Variants in CDH12 observed in about 807,000 individuals in gnomAD.
CDH12 encodes cadherin-12.
In CDH12, 41 loss-of-function variants were observed where a neutral mutation model predicts 74.1. That is an observed-to-expected ratio of 0.55 (90% CI 0.43 to 0.72). The LOEUF (loss-of-function observed/expected upper bound fraction) is 0.72, where lower values mean the gene tolerates loss of function less well. CDH12 is among the 30% of genes least tolerant of loss of function. The pLI is 0.00. For missense variants in CDH12, 945 were observed against 977.2 expected (o/e 0.97, Z 0.44); for synonymous variants, 399 against 355.0 (o/e 1.12, Z -1.39).
intron 6 of CDH12, among the ~76,000 whole-genome samples, chr5:21,925,396 C>A (rs1386801694): frequency 6.6e-6 from 1 of 152,192 alleles, no homozygotes; most frequent in Non-Finnish European, 1.5e-5. Flanking sequence ...ATAACTGACA[C>A]AAACATATCC....
At chr5:22,194,882 G>A (rs568490443) in intron 4 of CDH12, among the ~76,000 whole-genome samples, 2 of 152,310 alleles carry the variant, frequency 1.3e-5, no homozygotes, top group African/African-American at 2.4e-5. Flanking sequence ...ATGGCAGGAG[G>A]TCAGAGAGGG....
chr5:22,037,118 T>G lies in CDH12; in HGVS notation c.231+41328A>C, dbSNP rs112506830. On this transcript the variant is annotated intron_variant, in intron 5 of 14. Coordinates refer to ENST00000382254, the MANE Select transcript of CDH12 (RefSeq NM_004061.5). ...GACATAAGAAAATGGCGGCAAGCCGTAAAGCTTGAAAAGCAATACCTGGTA... is the reference window on the plus strand; with the variant it reads ...GACATAAGAAAATGGCGGCAAGCCGGAAAGCTTGAAAAGCAATACCTGGTA... Among the ~76,000 whole-genome samples, 389 of 152,286 alleles carry G rather than the reference T, an allele frequency of 2.6e-3. 2 individuals carry two copies. The highest frequency in any genetic ancestry group is 8.9e-3 in the African/African-American group (371 of 41,564).
intron 1 of CDH12, among the ~76,000 whole-genome samples, chr5:22,818,223 C>A (rs1008904385): frequency 6.6e-5 from 10 of 152,114 alleles, no homozygotes; most frequent in Non-Finnish European, 1.2e-4. Context: ...GGAAGCCATA[C>A]AAGACACTAC....
chr5:21,934,124 ACACT>A (rs772110656), intron 6 of CDH12, among the ~76,000 whole-genome samples: 6 of 152,098 alleles, frequency 3.9e-5, no homozygotes, highest in South Asian at 2.1e-4. Context: ...CCACACACAC[ACACT>A]CACACACACA....
intron 2 of CDH12, among the ~76,000 whole-genome samples, chr5:22,461,666 G>A (rs553583785): frequency 3.9e-5 from 6 of 151,988 alleles, no homozygotes; most frequent in East Asian, 1.9e-4. Flanking sequence ...AAACTTTGAG[G>A]AGGAGCTGGG....
In CDH12 at chr5:22,006,123, T is replaced by C. The variant is rs143636810; in HGVS notation, c.232-30738A>G. On this transcript the variant is annotated intron_variant, in intron 5 of 14. Coordinates refer to ENST00000382254, the MANE Select transcript of CDH12 (RefSeq NM_004061.5). ...TTTATCAGTTTCCTGTGCATGGTTA[T>C]ACTTCCTTGCCCCACTTATTGGGTA... Among the ~76,000 whole-genome samples the C allele has an allele frequency of 3.7e-3, 567 of 152,338 alleles. 7 individuals carry two copies. Among genetic ancestry groups the C allele is most frequent in the African/African-American group, 0.013 (531 of 41,576 alleles).
intron 8 of CDH12, among the ~76,000 whole-genome samples, chr5:21,817,977 G>T (rs1212154986): frequency 6.6e-6 from 1 of 151,862 alleles, no homozygotes; most frequent in Non-Finnish European, 1.5e-5. Flanking sequence ...ATTATTTTAA[G>T]GTTTTGTAGA....
intron 3 of CDH12, among the ~76,000 whole-genome samples, chr5:22,229,928 T>A (rs368126420): frequency 1.3e-5 from 2 of 152,054 alleles, no homozygotes; most frequent in Admixed American, 6.6e-5. Context: ...ACTTGTTACT[T>A]TTTTTATCTT....
At chr5:22,684,936 G>GT (rs1741680274) in intron 1 of CDH12, among the ~76,000 whole-genome samples, 1 of 151,984 alleles carries the variant, frequency 6.6e-6, no homozygotes, top group Non-Finnish European at 1.5e-5. Context: ...TGTTGTTGTT[G>GT]TTTTTTTCCT....
At chr5:22,289,164 A>C (rs1737279469) in intron 3 of CDH12, among the ~76,000 whole-genome samples, 1 of 152,238 alleles carries the variant, frequency 6.6e-6, no homozygotes, top group Non-Finnish European at 1.5e-5. Flanking sequence ...CTTGAGATTT[A>C]AAGTGCTTAT....
chr5:21,777,279 C>T (rs1283808925), intron 11 of CDH12, among the ~76,000 whole-genome samples: 1 of 152,014 alleles, frequency 6.6e-6, no homozygotes, highest in Admixed American at 6.6e-5. Flanking sequence ...CCTAACTATA[C>T]CACTGTTATG....
At chr5:22,522,682 T>G (rs551591471) in intron 1 of CDH12, among the ~76,000 whole-genome samples, 1 of 152,296 alleles carries the variant, frequency 6.6e-6, no homozygotes, top group Admixed American at 6.5e-5. Context: ...TACTCTCTTT[T>G]ATTATTTTCT....
chr5:22,170,875 A>G (rs1339871833), intron 4 of CDH12, among the ~76,000 whole-genome samples: 1 of 151,850 alleles, frequency 6.6e-6, no homozygotes, highest in Non-Finnish European at 1.5e-5. Flanking sequence ...TATTTTGTCC[A>G]TAGCTACTGT....
chr5:21,835,658 G>A (rs1749490058), intron 8 of CDH12, among the ~76,000 whole-genome samples: 1 of 151,548 alleles, frequency 6.6e-6, no homozygotes, highest in South Asian at 2.1e-4. Flanking sequence ...ACACTTTGTG[G>A]CCACATCAAG....
intron 1 of CDH12, among the ~76,000 whole-genome samples, chr5:22,549,647 A>G (rs551334192): frequency 5.3e-4 from 80 of 152,316 alleles, no homozygotes; most frequent in Non-Finnish European, 1.1e-3. Context: ...ATGTAGTTCA[A>G]AACGACTGGA....
intron 1 of CDH12, among the ~76,000 whole-genome samples, chr5:22,594,282 A>G (rs2126803579): frequency 6.6e-6 from 1 of 152,300 alleles, no homozygotes; most frequent in East Asian, 1.9e-4. Flanking sequence ...TCTCAAAGAC[A>G]GCATGCCTGT....
chr5:22,227,098 C>A (rs193013915), intron 3 of CDH12, among the ~76,000 whole-genome samples: 24 of 152,058 alleles, frequency 1.6e-4, no homozygotes, highest in Non-Finnish European at 2.9e-5. Context: ...CAAGTTAACA[C>A]GTCTGGATTC....
intron 6 of CDH12, among the ~76,000 whole-genome samples, chr5:21,904,768 C>T (rs1235755281): frequency 7.0e-6 from 1 of 143,756 alleles, no homozygotes; most frequent in African/African-American, 2.5e-5. Context: ...CAAAGCATGA[C>T]AGTGTCTCTA....
At chr5:21,834,958 A>G (rs1025278550) in intron 8 of CDH12, among the ~76,000 whole-genome samples, 6 of 151,788 alleles carry the variant, frequency 4.0e-5, no homozygotes, top group Non-Finnish European at 8.8e-5. Flanking sequence ...TTTATTTTCC[A>G]TCTATTTACT....
Sources: gnomAD v4.1 joint callset for allele counts (sites outside exome capture counted in the v4.1 genomes callset) on GRCh38, gnomAD v4.1.1 for gene constraint, MANE v1.5 for transcripts, NCBI Gene and HGNC (gene_info 2026-07-23, HGNC 2026-07-21) for gene names.